The following AGO1 variants were observed in gnomAD, a reference collection of about 807,000 sequenced individuals.
The protein encoded by AGO1 is argonaute RISC component 1.
Under a neutral mutation model 109.2 loss-of-function variants are expected in AGO1, and 11 were observed. The ratio of observed to expected loss-of-function variants is 0.10; its 90% CI spans 0.06 to 0.17. The LOEUF is 0.17. AGO1 is among the 10% of genes least tolerant of loss of function. The probability of loss-of-function intolerance (pLI) is 1.00; values close to 1 mark genes in which losing one functional copy is unlikely to be tolerated. For missense variants in AGO1, 574 were observed against 1,140.3 expected (o/e 0.50, Z 7.15); for synonymous variants, 422 against 418.6 (o/e 1.01, Z -0.10).
At position 35,883,538 on chromosome 1, in the gene AGO1, T is replaced by A. The variant is rs1645065882; in HGVS notation, c.25+92T>A. 2 of 1,440,102 alleles carry A rather than the reference T, an allele frequency of 1.4e-6. No homozygotes were observed. The highest frequency in any genetic ancestry group is 1.8e-6 in the Non-Finnish European group (2 of 1,096,306). 89.2% of individuals were successfully genotyped at this position (1,440,102 alleles called of 1,614,324 possible). ...GGTTTCCAAGTGATGGAAGCGCTCC[T>A]GAGTGAGGAGAAGGGCTCTCCCACG... On this transcript the variant is annotated intron_variant, in intron 1 of 18. Transcript: ENST00000373204. The surrounding 1 kb of genome is among the most constrained non-coding windows in gnomAD (Gnocchi z 5.4).
chr1:35,902,050 A>G lies in AGO1; in HGVS notation c.1243A>G (p.Ile415Val), dbSNP rs1472015606. 2.5e-6 allele frequency: 4 copies of G among 1,607,804 alleles called. No individual in the cohort carries two copies. The highest frequency in any genetic ancestry group is 3.4e-6 in the Non-Finnish European group (4 of 1,177,128). The change falls in exon 10 of 19, where the codon ATC becomes GTC. Residue 415 changes from isoleucine to valine, a missense_variant. By Grantham distance (29) the Ile-to-Val change is conservative. Around this residue, in one of 8 missense-constraint regions of AGO1, gnomAD observed 106 missense variants for 147.8 expected, o/e 0.72. Coordinates refer to ENST00000373204, the MANE Select transcript of AGO1 (RefSeq NM_012199.5). ...GACAGGGCGAGTGCTGCCGGCGCCCATCTTGCAGTACGGCGGCCGGGTGAG... is the reference window on the plus strand; with the variant it reads ...GACAGGGCGAGTGCTGCCGGCGCCCGTCTTGCAGTACGGCGGCCGGGTGAG... ...EVTGRVLPAP[I>V]LQYGGRNRAI...
At chr1:35,894,216 C>T (rs1464117862) in intron 6 of AGO1, 45 bp downstream of exon 6, 5 of 1,577,016 alleles carry the variant, frequency 3.2e-6, no homozygotes, top group East Asian at 2.2e-5. Context: ...CCACTTTAGC[C>T]CTAAGAGGAA....
rs1172080513 is a variant in AGO1, at chr1:35,924,409, A to G, written c.*4802A>G. 2 of 152,502 alleles carry G rather than the reference A, an allele frequency of 1.3e-5. No homozygotes were observed. Among genetic ancestry groups the G allele is most frequent in the African/African-American group, 4.8e-5 (2 of 41,456 alleles). 9.4% of individuals were successfully genotyped at this position (152,502 alleles called of 1,614,324 possible). On this transcript the variant is annotated 3_prime_UTR_variant, in exon 19 of 19. Coordinates refer to ENST00000373204, the MANE Select transcript of AGO1 (RefSeq NM_012199.5). ...ATACTGTAGATTGTTATGCAGGAAT[A>G]CTTCACAGAGCCTTCATTTATTCTT...
At chr1:35,871,568 A>G (rs1347867442) in intron 1 of AGO1, among the ~76,000 whole-genome samples, 1 of 138,462 alleles carries the variant, frequency 7.2e-6, no homozygotes, top group African/African-American at 2.9e-5. Context: ...AAAAGATTAA[A>G]CTTTAAAAAC....
rs1242470958 is a variant in AGO1 at position 35,929,226 on chromosome 1, CTT to C, written c.*9621_*9622del. 2 of 152,274 alleles carry C rather than the reference CTT, an allele frequency of 1.3e-5. No individual in the cohort carries two copies. 9.4% of individuals were successfully genotyped at this position (152,274 alleles called of 1,614,324 possible). A position where few individuals can be genotyped will look rare whatever the true frequency, so the allele number is the denominator to read the frequency against. ...GCCTTTGGCAGAATCCTTCAAACCT[CTT>C]TGTCTTCCTACTTCTTGATATTACA... On this transcript the variant is annotated 3_prime_UTR_variant, in exon 19 of 19. Coordinates refer to ENST00000373204, the MANE Select transcript of AGO1 (RefSeq NM_012199.5).
chr1:35,926,374 T>G lies in AGO1; in HGVS notation c.*6767T>G, dbSNP rs1645928288. ...ATTACTGGTTGAGCATCCTTCCTTC[T>G]GCTCTGTCAATTGGCAAAATATGCT... On this transcript the variant is annotated 3_prime_UTR_variant, in exon 19 of 19. Coordinates refer to ENST00000373204, the MANE Select transcript of AGO1 (RefSeq NM_012199.5). 6.6e-6 allele frequency: 1 copy of G among 152,218 alleles called. No homozygotes were observed. The highest frequency in any genetic ancestry group is 2.4e-5 in the African/African-American group (1 of 41,436). 9.4% of individuals were successfully genotyped at this position (152,218 alleles called of 1,614,324 possible).
chr1:35,919,804 TATC>T lies in AGO1; in HGVS notation c.*199_*201del. The T allele has an allele frequency of 1.7e-6, 1 of 574,180 alleles. No individual in the cohort carries two copies. The highest frequency in any genetic ancestry group is 2.2e-5 in the South Asian group (1 of 45,004). 35.6% of individuals were successfully genotyped at this position (574,180 alleles called of 1,614,324 possible). On this transcript the variant is annotated 3_prime_UTR_variant, in exon 19 of 19. Transcript: ENST00000373204. The surrounding 1 kb of genome is among the most constrained non-coding windows in gnomAD (Gnocchi z 6.6). ...CAGACCACCAGCCAGAAATCTCTGA[TATC>T]AACCTCATGTCCCCCACCCCTCACC...
Position 35,917,697 on chromosome 1 carries a change from C to G in AGO1, c.2133C>G (p.Thr711=). ...TYIVVQKRHH[T]RLFCADKNER... ...TTGTGGTGCAGAAACGCCATCACAC[C>G]CGCCTTTTCTGTGCTGACAAGAATG... The change falls in exon 16 of 19, where the codon ACC becomes ACG. Residue 711 remains threonine, a synonymous_variant. Transcript: ENST00000373204. 6.2e-7 allele frequency: 1 copy of G among 1,613,524 alleles called. No individual in the cohort carries two copies. The highest frequency in any genetic ancestry group is 8.5e-7 in the Non-Finnish European group (1 of 1,179,514).
At chr1:35,917,485 T>G (rs1203812817) in intron 15 of AGO1, 108 bp from the exon 16 acceptor site, 6 of 1,332,062 alleles carry the variant, frequency 4.5e-6, no homozygotes, top group Non-Finnish European at 6.1e-6. Flanking sequence ...AAAGGGAGAC[T>G]GAGCCAAAAG....
Position 35,894,031 on chromosome 1 carries a change from CCA to C in AGO1, c.650-3_650-2del. 6.5e-7 allele frequency: 1 copy of C among 1,541,556 alleles called. No individual in the cohort carries two copies. Among genetic ancestry groups the C allele is most frequent in the South Asian group, 1.3e-5 (1 of 78,396 alleles). On this transcript the variant is annotated splice_polypyrimidine_tract_variant and splice_region_variant and intron_variant, in intron 5 of 18. Coordinates refer to ENST00000373204, the MANE Select transcript of AGO1 (RefSeq NM_012199.5). The stretch of plus-strand genomic sequence containing the variant: ...GAGCTGAGCTATCTTTACCCTGTCC[CCA>C]CAGTCTCAGCCACTGCCTTTTATAA...
At position 35,888,522 on chromosome 1, in the gene AGO1, A is replaced by G. The variant is rs1179971147; in HGVS notation, c.121A>G (p.Asn41Asp). 1 of 1,614,210 alleles carries G rather than the reference A, an allele frequency of 6.2e-7. No individual in the cohort carries two copies. Among genetic ancestry groups the G allele is most frequent in the Admixed American group, 1.7e-5 (1 of 60,012 alleles). ...GGGGAAACCAATCAAGCTCCTGGCC[A>G]ATTACTTTGAGGTGGACATCCCTAA... is the stretch of plus-strand genomic sequence containing the variant. Reference protein sequence around the residue: ...TVGKPIKLLANYFEVDIPKID... With the variant: ...TVGKPIKLLADYFEVDIPKID... Residue 41 changes from asparagine (N) to aspartate (D), a missense_variant, in exon 2 of 19, where the codon AAT becomes GAT. Around this residue, in one of 8 missense-constraint regions of AGO1, gnomAD observed 89 missense variants for 109.6 expected, o/e 0.81. Coordinates refer to ENST00000373204, the MANE Select transcript of AGO1 (RefSeq NM_012199.5). This position sits in a 1 kb window ranked among gnomAD's most constrained non-coding sequence, Gnocchi z 4.1.
intron 17 of AGO1, 100 bp from the exon 18 acceptor site, chr1:35,918,955 A>G (rs1046608236): frequency 2.9e-5 from 32 of 1,093,128 alleles, no homozygotes; most frequent in Non-Finnish European, 2.2e-5. Context: ...TTCATGGGTG[A>G]ATTATCTACC....
rs528485859 is a variant in AGO1, at chr1:35,902,165, A to G, written c.1264-39A>G. ...TTTGCTCCCCTACCCACCTGACTCT[A>G]CTGAGGCTCACCTAGGCGCCCCCTC... On this transcript the variant is annotated intron_variant, in intron 10 of 18. Transcript: ENST00000373204. 1.9e-6 allele frequency: 3 copies of G among 1,603,220 alleles called. No homozygotes were observed. The South Asian group carries it at 3.4e-5, about 18-fold the overall frequency.
Position 35,893,048 on chromosome 1 carries a change from C to A in AGO1, c.331-49C>A. 1 of 1,552,948 alleles carries A rather than the reference C, an allele frequency of 6.4e-7. No individual in the cohort carries two copies. The highest frequency in any genetic ancestry group is 8.8e-7 in the Non-Finnish European group (1 of 1,136,202). ...CAAATCCATGGAGTTGGGGGTCATT[C>A]TCGCAGAGCAATGGCAATCCTTCAT... On this transcript the variant is annotated intron_variant, in intron 3 of 18. Transcript: ENST00000373204. This position sits in a 1 kb window ranked among gnomAD's most constrained non-coding sequence, Gnocchi z 5.6.
At chr1:35,918,447 T>TCCA in intron 17 of AGO1, 24 bp downstream of exon 17, 1 of 1,555,980 alleles carries the variant, frequency 6.4e-7, no homozygotes, top group Non-Finnish European at 8.9e-7. Flanking sequence ...ATCTTGTGGT[T>TCCA]CCAATGGGTC....
chr1:35,888,654 C>A lies in AGO1; in HGVS notation c.209+44C>A. 3 of 1,601,892 alleles carry A rather than the reference C, an allele frequency of 1.9e-6. No individual in the cohort carries two copies. The highest frequency in any genetic ancestry group is 2.6e-6 in the Non-Finnish European group (3 of 1,171,546). On this transcript the variant is annotated intron_variant, in intron 2 of 18. Coordinates refer to ENST00000373204, the MANE Select transcript of AGO1 (RefSeq NM_012199.5). This position sits in a 1 kb window ranked among gnomAD's most constrained non-coding sequence, Gnocchi z 4.1. ...AGCCACCAAATCTGAAAGACACCAA[C>A]CTTGAAAGAGGGGCCAGAAAGGTAA... is the stretch of plus-strand genomic sequence containing the variant.
chr1:35,894,257 C>T (rs1284091118), intron 6 of AGO1, 58 bp from the exon 7 acceptor site: 3 of 1,605,676 alleles, frequency 1.9e-6, no homozygotes, highest in Admixed American at 1.7e-5. Flanking sequence ...GGGGAGAGAC[C>T]AAGCCTGGGC....
intron 14 of AGO1, 61 bp from the exon 15 acceptor site, chr1:35,915,287 C>T (rs1645713911): frequency 6.6e-7 from 1 of 1,512,190 alleles, no homozygotes; most frequent in South Asian, 1.2e-5. Flanking sequence ...TTTCCACAAA[C>T]CCATAGCCTG....
intron 1 of AGO1, among the ~76,000 whole-genome samples, chr1:35,875,795 A>G (rs1644988079): frequency 6.6e-6 from 1 of 152,220 alleles, no homozygotes; most frequent in Non-Finnish European, 1.5e-5. Flanking sequence ...GCTCCTTGAC[A>G]GTGCACCTGG....
Sources: allele counts gnomAD v4.1 joint callset (sites outside exome capture counted in the v4.1 genomes callset), GRCh38; gene constraint gnomAD v4.1.1; regional missense constraint gnomAD v4.1.1; non-coding constraint Gnocchi (gnomAD v3.1); transcripts MANE v1.5; gene names NCBI Gene and HGNC (gene_info 2026-07-23, HGNC 2026-07-21).